Variants in NREP observed in about 807,000 individuals in gnomAD.
NREP encodes neuronal regeneration-related protein.
A neutral mutation model predicts 8.6 loss-of-function variants in NREP; 5 were observed. The ratio of observed to expected loss-of-function variants is 0.58; its 90% CI spans 0.30 to 1.22. The LOEUF (loss-of-function observed/expected upper bound fraction) is 1.22. Ranked by LOEUF, NREP falls within the 50% of genes most tolerant of loss-of-function variation. The pLI is 0.07. For missense variants in NREP, 86 were observed against 82.5 expected (o/e 1.04, Z -0.17); for synonymous variants, 27 against 28.0 (o/e 0.96, Z 0.11).
chr5:111,859,704 G>A (rs1286001142), intron 2 of NREP, among the ~76,000 whole-genome samples: 1 of 152,098 alleles, frequency 6.6e-6, no homozygotes, highest in Non-Finnish European at 1.5e-5. Flanking sequence ...CGGCCATGCT[G>A]AAAACAGAAT....
chr5:111,734,873 G>A (rs1368880573), intron 3 of NREP: 3 of 443,728 alleles, frequency 6.8e-6, no homozygotes, highest in African/African-American at 6.1e-5. Context: ...GTTTGTTTCA[G>A]AAATTATGCT....
At chr5:111,774,936 A>G (rs542305055) in intron 2 of NREP, among the ~76,000 whole-genome samples, 2 of 152,328 alleles carry the variant, frequency 1.3e-5, no homozygotes, top group South Asian at 4.1e-4. Flanking sequence ...GAGAAAACTG[A>G]TACAAATAAT....
upstream of NREP, among the ~76,000 whole-genome samples, chr5:111,759,108 A>G (rs1750895842): frequency 6.6e-6 from 1 of 152,190 alleles, no homozygotes; most frequent in Admixed American, 6.5e-5. Context: ...TGTAAGGCAT[A>G]GGCTGGGTGG....
At chr5:111,783,901 G>A (rs1751551170) in intron 2 of NREP, among the ~76,000 whole-genome samples, 1 of 152,156 alleles carries the variant, frequency 6.6e-6, no homozygotes, top group African/African-American at 2.4e-5. Flanking sequence ...TAGAAAATCT[G>A]TGGCCTTATA....
At chr5:111,855,081 C>T (rs991986592) in intron 2 of NREP, among the ~76,000 whole-genome samples, 39 of 152,110 alleles carry the variant, frequency 2.6e-4, no homozygotes, top group Non-Finnish European at 4.7e-4. Context: ...CTAAAGTAGA[C>T]ACCAGTAAGT....
upstream of NREP, among the ~76,000 whole-genome samples, chr5:111,760,887 C>A (rs911874831): frequency 1.3e-5 from 2 of 152,162 alleles, no homozygotes; most frequent in African/African-American, 4.8e-5. Context: ...TTTTCTTCTC[C>A]CTTAGATATG....
intron 2 of NREP, among the ~76,000 whole-genome samples, chr5:111,857,063 T>A (rs971512788): frequency 1.1e-4 from 16 of 152,212 alleles, no homozygotes; most frequent in African/African-American, 3.9e-4. Context: ...TATTGCTGCA[T>A]AATGACAAAA....
At chr5:111,835,653 T>C (rs1752875303) in intron 2 of NREP, among the ~76,000 whole-genome samples, 1 of 152,100 alleles carries the variant, frequency 6.6e-6, no homozygotes, top group African/African-American at 2.4e-5. Flanking sequence ...GGCTGGAACA[T>C]AGGTTACTTG....
chr5:111,905,674 C>T (rs1754764377), intron 2 of NREP, among the ~76,000 whole-genome samples: 1 of 151,990 alleles, frequency 6.6e-6, no homozygotes, highest in South Asian at 2.1e-4. Context: ...TGTTTTAGTG[C>T]TGTTGGTAAA....
intron 2 of NREP, among the ~76,000 whole-genome samples, chr5:111,916,398 A>G (rs1493457): frequency 0.4 from 60,746 of 150,794 alleles, 14,678 homozygotes; most frequent in Non-Finnish European, 0.55. Flanking sequence ...CCCAGTCACT[A>G]TCACTGACAT....
intron 2 of NREP, among the ~76,000 whole-genome samples, chr5:111,801,170 G>C (rs145343309): frequency 1.4e-3 from 216 of 152,298 alleles, no homozygotes; most frequent in African/African-American, 5.0e-3. Context: ...ACATATCAAA[G>C]AGAAAGAGAA....
chr5:111,852,395 A>G (rs1753332789), intron 2 of NREP, among the ~76,000 whole-genome samples: 2 of 152,116 alleles, frequency 1.3e-5, no homozygotes, highest in East Asian at 1.9e-4. Flanking sequence ...TCACACTCTG[A>G]CGAGGGGCGC....
At chr5:111,874,253 A>C (rs1486151430) in intron 2 of NREP, among the ~76,000 whole-genome samples, 1 of 152,204 alleles carries the variant, frequency 6.6e-6, no homozygotes, top group East Asian at 1.9e-4. Flanking sequence ...GTTAAAATGA[A>C]TCACTTGTAT....
chr5:111,969,223 A>G (rs1756733205), intron 2 of NREP, among the ~76,000 whole-genome samples: 2 of 152,220 alleles, frequency 1.3e-5, no homozygotes, highest in Non-Finnish European at 2.9e-5. Context: ...TGCTCATCAC[A>G]TTTACAGATT....
At position 111,849,317 on chromosome 5, in the gene NREP, C is replaced by A. The variant is rs562178098; in HGVS notation, c.136-113810G>T. Among the ~76,000 whole-genome samples, 16 of 152,056 alleles carry A rather than the reference C, an allele frequency of 1.1e-4. 1 individual carries two copies. Among genetic ancestry groups the A allele is most frequent in the African/African-American group, 3.9e-4 (16 of 41,470 alleles). On this transcript the variant is annotated intron_variant, in intron 2 of 3. Transcript: ENST00000395634. ...GGCACTAGGGAAAAAACACGGTGTT[C>A]CAGTCAGCTGAAGAAATTGAGGGAG...
At chr5:111,808,038 A>G (rs574438567) in intron 2 of NREP, among the ~76,000 whole-genome samples, 38 of 152,304 alleles carry the variant, frequency 2.5e-4, no homozygotes, top group East Asian at 1.3e-3. Flanking sequence ...CTGCTTTACA[A>G]TCTCTCAATA....
At chr5:111,773,940 C>G (rs896984423) in intron 2 of NREP, among the ~76,000 whole-genome samples, 9 of 152,066 alleles carry the variant, frequency 5.9e-5, no homozygotes, top group African/African-American at 1.9e-4. Flanking sequence ...CAGGAAGACC[C>G]TTCAACCTGG....
intron 2 of NREP, among the ~76,000 whole-genome samples, chr5:111,776,822 T>C (rs1027101030): frequency 3.3e-5 from 5 of 152,168 alleles, no homozygotes; most frequent in African/African-American, 9.6e-5. Context: ...TCTAAAGTGA[T>C]GGAAATATTC....
intron 2 of NREP, among the ~76,000 whole-genome samples, chr5:111,967,628 C>G (rs530669913): frequency 6.6e-6 from 1 of 152,058 alleles, no homozygotes; most frequent in African/African-American, 2.4e-5. Context: ...CGCCTCTGCC[C>G]GGCCCCCGCC....
Sources: gnomAD v4.1 joint callset for allele counts (sites outside exome capture counted in the v4.1 genomes callset) on GRCh38, gnomAD v4.1.1 for gene constraint, MANE v1.5 for transcripts, NCBI Gene and HGNC (gene_info 2026-07-23, HGNC 2026-07-21) for gene names.